Variants in PDE10A observed in about 807,000 individuals in gnomAD.
PDE10A encodes cAMP and cAMP-inhibited cGMP 3',5'-cyclic phosphodiesterase 10A.
PDE10A carries 39 observed loss-of-function variants against 97.7 expected under a neutral mutation model. The ratio of observed to expected loss-of-function variants is 0.40; its 90% CI spans 0.31 to 0.52. The LOEUF (loss-of-function observed/expected upper bound fraction) is 0.52, where lower values mean the gene tolerates loss of function less well. Ranked by LOEUF, PDE10A falls within the 20% of genes least tolerant of loss-of-function variation. The pLI, the probability that PDE10A is intolerant of heterozygous loss-of-function variation, is 0.56. For synonymous variants in PDE10A, 371 were observed against 376.8 expected (o/e 0.98, Z 0.18); for missense variants, 731 against 1,047.8 (o/e 0.70, Z 4.17).
At chr6:165,482,439 T>C in intron 2 of PDE10A, 96 bp from the exon 3 acceptor site, 1 of 919,078 alleles carries the variant, frequency 1.1e-6, no homozygotes, top group South Asian at 1.3e-5. Flanking sequence ...ACTTGAAGGG[T>C]TTTTTTGCAA....
chr6:165,542,089 G>GTT (rs749873052), intron 2 of PDE10A, among the ~76,000 whole-genome samples: 1 of 152,002 alleles, frequency 6.6e-6, no homozygotes, highest in South Asian at 2.1e-4. Flanking sequence ...CACTAATAAA[G>GTT]TTTCCCCCAA....
chr6:165,879,530 A>G (rs1431016644), intron 1 of PDE10A, among the ~76,000 whole-genome samples: 3 of 152,182 alleles, frequency 2.0e-5, no homozygotes, highest in Non-Finnish European at 2.9e-5. Flanking sequence ...ATTTAACTTA[A>G]TTACATTAGC....
chr6:165,371,498 G>A lies in PDE10A; in HGVS notation c.2783+7696C>T, dbSNP rs1004791666. The stretch of plus-strand genomic sequence containing the variant: ...TCTAGAAGAAATGGATAAATTCCTC[G>A]ACACATACACTCTCCCAAGACTAAA... On this transcript the variant is annotated intron_variant, in intron 18 of 21. Transcript: ENST00000539869. 1.4e-3 allele frequency among the ~76,000 whole-genome samples: 213 copies of A among 151,684 alleles called. 1 individual carries two copies. Among genetic ancestry groups the A allele is most frequent in the African/African-American group, 4.8e-3 (198 of 41,420 alleles).
At chr6:165,496,377 T>C (rs1400970763) in intron 2 of PDE10A, among the ~76,000 whole-genome samples, 1 of 152,090 alleles carries the variant, frequency 6.6e-6, no homozygotes, top group Non-Finnish European at 1.5e-5. Flanking sequence ...AGGTTTGGAG[T>C]CAATAGATCT....
rs1314910855 is a variant in PDE10A, at chr6:165,716,242, T to A, written c.-614-172674A>T. ...AATTCACAAATTATTGACTCATAAT[T>A]GATTTGCTGATGAACGCACAGTATG... On this transcript the variant is annotated intron_variant, in intron 1 of 19. Coordinates refer to the PDE10A transcript ENST00000366882. Among the ~76,000 whole-genome samples, 4 of 152,208 alleles carry A rather than the reference T, an allele frequency of 2.6e-5. No individual in the cohort carries two copies. In the South Asian group the frequency reaches 6.2e-4, roughly 24 times the overall value.
At chr6:165,906,758 AG>A (rs373536981) in intron 1 of PDE10A, among the ~76,000 whole-genome samples, 2 of 152,314 alleles carry the variant, frequency 1.3e-5, no homozygotes, top group African/African-American at 4.8e-5. Context: ...CGCTGCCCAA[AG>A]GGCAGATCCT....
intron 1 of PDE10A, among the ~76,000 whole-genome samples, chr6:165,798,286 G>T (rs1778880930): frequency 1.3e-5 from 2 of 152,126 alleles, no homozygotes; most frequent in African/African-American, 4.8e-5. Flanking sequence ...GTAAAATTGG[G>T]CCCTTCTGAG....
At chr6:165,591,386 C>T (rs1373764096) in intron 1 of PDE10A, among the ~76,000 whole-genome samples, 3 of 152,212 alleles carry the variant, frequency 2.0e-5, no homozygotes, top group African/African-American at 7.2e-5. Flanking sequence ...ATGAAATTAG[C>T]ATGATTGTAT....
At chr6:165,695,033 C>G (rs778341202) in intron 1 of PDE10A, among the ~76,000 whole-genome samples, 26 of 152,068 alleles carry the variant, frequency 1.7e-4, no homozygotes, top group Non-Finnish European at 3.1e-4. Flanking sequence ...AGCCACATTT[C>G]TCTAACACAT....
At chr6:165,831,825 C>A (rs2128471227) in intron 1 of PDE10A, among the ~76,000 whole-genome samples, 1 of 152,222 alleles carries the variant, frequency 6.6e-6, no homozygotes. Context: ...ACTCTCCCCC[C>A]TGCCTTTTTA....
intron 1 of PDE10A, among the ~76,000 whole-genome samples, chr6:165,985,842 A>T (rs1354234279): frequency 1.5e-5 from 1 of 67,238 alleles, no homozygotes; most frequent in African/African-American, 5.6e-5. Flanking sequence ...TTCCCACCCC[A>T]CCCTCCCTTC....
intron 1 of PDE10A, among the ~76,000 whole-genome samples, chr6:165,611,062 T>C (rs1484145886): frequency 6.6e-6 from 1 of 151,960 alleles, no homozygotes; most frequent in East Asian, 2.0e-4. Flanking sequence ...CTCAAAATAG[T>C]GTTTCTTTCC....
intron 1 of PDE10A, among the ~76,000 whole-genome samples, chr6:165,810,149 G>C (rs1416899084): frequency 6.6e-6 from 1 of 152,138 alleles, no homozygotes; most frequent in East Asian, 1.9e-4. Context: ...AGGTGAACTG[G>C]TGTTGATCCC....
At position 165,691,114 on chromosome 6, in the gene PDE10A, C is replaced by CA. The variant is rs1321330311; in HGVS notation, c.-614-147547_-614-147546insT. On this transcript the variant is annotated intron_variant, in intron 1 of 19. Transcript: ENST00000366882. ...CTCTCTCTCTTTCTCTCTCCCCCCCCCCATCAGTGCCTGTGGTCACATAAG... is the reference window on the plus strand; with the variant it reads ...CTCTCTCTCTTTCTCTCTCCCCCCCCACCATCAGTGCCTGTGGTCACATAAG... 4.2e-4 allele frequency among the ~76,000 whole-genome samples: 40 copies of CA among 94,670 alleles called. 4 individuals are homozygous for CA. The highest frequency in any genetic ancestry group is 1.6e-3 in the African/African-American group (39 of 23,842). 62.1% of individuals were successfully genotyped at this position (94,670 alleles called of 152,430 possible).
At chr6:165,899,921 C>T (rs1396721475) in intron 1 of PDE10A, among the ~76,000 whole-genome samples, 2 of 152,328 alleles carry the variant, frequency 1.3e-5, no homozygotes, top group African/African-American at 4.8e-5. Context: ...TTTTGAATCT[C>T]CCCATACACT....
At chr6:165,552,951 C>A (rs1188196422) in intron 1 of PDE10A, among the ~76,000 whole-genome samples, 2 of 152,102 alleles carry the variant, frequency 1.3e-5, no homozygotes, top group Admixed American at 1.3e-4. Context: ...ACGGACCCAC[C>A]AGGAATCCCA....
chr6:165,625,701 C>T (rs1788350356), intron 1 of PDE10A, among the ~76,000 whole-genome samples: 1 of 152,052 alleles, frequency 6.6e-6, no homozygotes, highest in Non-Finnish European at 1.5e-5. Context: ...GGGGAAGTTT[C>T]CCTGCACAAA....
intron 1 of PDE10A, among the ~76,000 whole-genome samples, chr6:165,634,847 T>C (rs980504477): frequency 6.6e-6 from 1 of 152,194 alleles, no homozygotes. Flanking sequence ...AAACTTTCTG[T>C]AGACACAATC....
chr6:165,460,504 T>C (rs1260220080), intron 3 of PDE10A, among the ~76,000 whole-genome samples: 2 of 152,182 alleles, frequency 1.3e-5, no homozygotes, highest in African/African-American at 4.8e-5. Flanking sequence ...AACGTCCTAC[T>C]TGTGAAATAA....
Sources: gnomAD v4.1 joint callset for allele counts (sites outside exome capture counted in the v4.1 genomes callset) on GRCh38, gnomAD v4.1.1 for gene constraint, MANE v1.5 for transcripts, NCBI Gene and HGNC (gene_info 2026-07-23, HGNC 2026-07-21) for gene names.